The following PFKP variants were observed in gnomAD, a reference collection of about 807,000 sequenced individuals.
The protein encoded by PFKP is ATP-dependent 6-phosphofructokinase, platelet type.
PFKP carries 101 observed loss-of-function variants against 94.3 expected under a neutral mutation model. The ratio of observed to expected loss-of-function variants is 1.07; its 90% CI spans 0.91 to 1.26. The LOEUF (loss-of-function observed/expected upper bound fraction) is 1.26. Among genes scored for constraint, PFKP ranks in the 50% most tolerant of loss-of-function variants. The pLI, the probability that PFKP is intolerant of heterozygous loss-of-function variation, is 0.00. For missense variants in PFKP, 1,145 were observed against 1,103.3 expected, an observed-to-expected ratio of 1.04 and a Z score of -0.53; for synonymous variants, 573 against 432.6, an observed-to-expected ratio of 1.32 and a Z score of -4.03.
chr10:3,078,364 T>G (rs1832769488), intron 1 of PFKP, among the ~76,000 whole-genome samples: 1 of 152,200 alleles, frequency 6.6e-6, no homozygotes, highest in Non-Finnish European at 1.5e-5. Context: ...ACCAGTGTTC[T>G]TCTCCCTCCA....
intron 2 of PFKP, among the ~76,000 whole-genome samples, chr10:3,091,779 G>GT (rs1477757732): frequency 6.6e-6 from 1 of 151,932 alleles, no homozygotes; most frequent in Non-Finnish European, 1.5e-5. Flanking sequence ...GAGCGAGACT[G>GT]TGTCAAAAAA....
chr10:3,103,240 C>G (rs1835191584), intron 4 of PFKP, among the ~76,000 whole-genome samples: 1 of 152,146 alleles, frequency 6.6e-6, no homozygotes, highest in Non-Finnish European at 1.5e-5. Context: ...TTTTCTAATC[C>G]ACTGCTCTTG....
At chr10:3,122,071 T>G (rs1424745825) in intron 16 of PFKP, among the ~76,000 whole-genome samples, 1 of 152,038 alleles carries the variant, frequency 6.6e-6, no homozygotes, top group East Asian at 1.9e-4. Flanking sequence ...AATCCCCCTG[T>G]CTTGGGCTCT....
chr10:3,113,818 C>T (rs1836516334), intron 13 of PFKP, among the ~76,000 whole-genome samples: 2 of 150,578 alleles, frequency 1.3e-5, no homozygotes, highest in South Asian at 4.2e-4. Context: ...GTGGCGTTGT[C>T]TCGGAGGCTG....
rs1046254893 is a variant in PFKP at position 3,069,923 on chromosome 10, G to GT, written c.112+2218dup. 1.7e-4 allele frequency among the ~76,000 whole-genome samples: 26 copies of GT among 152,302 alleles called. 1 individual carries two copies. Among genetic ancestry groups the GT allele is most frequent in the Admixed American group, 4.6e-4 (7 of 15,304 alleles). On this transcript the variant is annotated intron_variant, in intron 1 of 21. Transcript: ENST00000381125. ...CTGGGAGGAGTTAGACATATTGAAG[G>GT]TTAGTAAGTCCACGCCTCTTCTTTT...
intron 2 of PFKP, among the ~76,000 whole-genome samples, chr10:3,093,144 CAA>C (rs1423172944): frequency 6.6e-6 from 1 of 151,182 alleles, no homozygotes; most frequent in Non-Finnish European, 1.5e-5. Flanking sequence ...GTTGGCAAGA[CAA>C]AGAGCAGGTG....
Position 3,112,193 on chromosome 10 carries a change from C to T in PFKP, c.1090-29C>T, listed in dbSNP as rs773333537. 22 of 1,593,248 alleles carry T rather than the reference C, an allele frequency of 1.4e-5. 1 individual carries two copies. The East Asian group carries it at 2.2e-4, about 16-fold the overall frequency. On this transcript the variant is annotated intron_variant, in intron 10 of 21. Transcript: ENST00000381125. ...ATGATGCACCAGGTCCTGACACATT[C>T]TTTCTTCTTTTCATCATTGTTTTAA...
At chr10:3,082,959 C>T (rs1164718073) in intron 2 of PFKP, among the ~76,000 whole-genome samples, 5 of 152,180 alleles carry the variant, frequency 3.3e-5, no homozygotes, top group Admixed American at 3.3e-4. Flanking sequence ...TATCCACCCG[C>T]CTTGGCCTCC....
At chr10:3,107,939 G>T (rs1289023286) in intron 8 of PFKP, 2 of 1,289,692 alleles carry the variant, frequency 1.6e-6, no homozygotes, top group Non-Finnish European at 2.0e-6. Flanking sequence ...GGCTCCAGCA[G>T]CCACGGGGCA....
chr10:3,073,755 G>A (rs1238369601), intron 1 of PFKP, among the ~76,000 whole-genome samples: 1 of 149,382 alleles, frequency 6.7e-6, no homozygotes, highest in East Asian at 1.9e-4. Flanking sequence ...GTAGCCTCGG[G>A]GAGTCAGTCC....
At chr10:3,102,177 G>T (rs904843307) in intron 4 of PFKP, among the ~76,000 whole-genome samples, 2 of 142,514 alleles carry the variant, frequency 1.4e-5, no homozygotes, top group African/African-American at 5.1e-5. Context: ...CGTGAACCCG[G>T]GAGGCGGAGC....
chr10:3,113,655 G>GACTACTTATTTAAGT lies in PFKP; in HGVS notation c.1371+137_1371+138insACTACTTATTTAAGT, dbSNP rs1836497389. The GACTACTTATTTAAGT allele has an allele frequency of 2.3e-4, 4 of 17,598 alleles. No individual in the cohort carries two copies. In the Admixed American group the frequency reaches 3.0e-3, roughly 13 times the overall value. 1.1% of individuals were successfully genotyped at this position (17,598 alleles called of 1,614,324 possible). A position where few individuals can be genotyped will look rare whatever the true frequency, so the allele number is the denominator to read the frequency against. ...GGGATCCTGTGATATTGTGACTGAA[G>GACTACTTATTTAAGT]CATTGCTTCTGGAGTAAAATCTCAC... On this transcript the variant is annotated intron_variant, in intron 13 of 21. Transcript: ENST00000381125.
chr10:3,084,693 C>CGGTCCTCCAGCCCCTCCCCAGGAG (rs1203635165), intron 2 of PFKP, among the ~76,000 whole-genome samples: 1 of 95,786 alleles, frequency 1.0e-5, no homozygotes, highest in Non-Finnish European at 2.2e-5. Flanking sequence ...GTCTCCAGCA[C>CGGTCCTCCAGCCCCTCCCCAGGAG]AGTCCTCCAG....
At chr10:3,088,727 A>G (rs1833821915) in intron 2 of PFKP, among the ~76,000 whole-genome samples, 2 of 152,200 alleles carry the variant, frequency 1.3e-5, no homozygotes, top group Non-Finnish European at 2.9e-5. Context: ...TTATTGAAGT[A>G]AAATATGCAT....
At chr10:3,120,760 G>A (rs1348298415) in intron 16 of PFKP, among the ~76,000 whole-genome samples, 1 of 152,010 alleles carries the variant, frequency 6.6e-6, no homozygotes, top group Non-Finnish European at 1.5e-5. Flanking sequence ...CCCGGGCTCA[G>A]GTGATCCTCT....
At chr10:3,113,014 G>A (rs966787603) in intron 11 of PFKP, 105 bp from the exon 12 acceptor site, 10 of 996,836 alleles carry the variant, frequency 1.0e-5, no homozygotes, top group East Asian at 2.6e-5. Context: ...CAGATAGTCG[G>A]GCAGACACAT....
chr10:3,133,868 T>C (rs994272623), intron 19 of PFKP, among the ~76,000 whole-genome samples: 4 of 150,566 alleles, frequency 2.7e-5, no homozygotes, highest in Middle Eastern at 3.4e-3. Flanking sequence ...TTGGAAATGC[T>C]TATTCAAATT....
At chr10:3,075,657 C>T (rs572725465) in intron 1 of PFKP, among the ~76,000 whole-genome samples, 1 of 149,304 alleles carries the variant, frequency 6.7e-6, no homozygotes, top group Non-Finnish European at 1.5e-5. Flanking sequence ...AATCCCAGCC[C>T]TTCAGGAGCC....
chr10:3,091,767 C>T (rs563064559), intron 2 of PFKP, among the ~76,000 whole-genome samples: 1 of 152,194 alleles, frequency 6.6e-6, no homozygotes, highest in Non-Finnish European at 1.5e-5. Context: ...GCCTGGGTGA[C>T]AGAGCGAGAC....
Sources: gnomAD v4.1 joint callset for allele counts (sites outside exome capture counted in the v4.1 genomes callset) on GRCh38, gnomAD v4.1.1 for gene constraint, MANE v1.5 for transcripts, NCBI Gene and HGNC (gene_info 2026-07-23, HGNC 2026-07-21) for gene names.